Variants in NTNG2 observed in about 807,000 individuals in gnomAD.
NTNG2 encodes the protein netrin G2, also known as netrin-G2.
Under a neutral mutation model 47.6 loss-of-function variants are expected in NTNG2, and 15 were observed. The ratio of observed to expected loss-of-function variants is 0.32; its 90% CI spans 0.21 to 0.49. The LOEUF (loss-of-function observed/expected upper bound fraction) is 0.49. Ranked by LOEUF, NTNG2 falls within the 20% of genes least tolerant of loss-of-function variation. NTNG2 has a pLI of 0.99. For synonymous variants in NTNG2, 307 were observed against 324.6 expected (o/e 0.95, Z 0.58); for missense variants, 578 against 764.6 (o/e 0.76, Z 2.88).
At chr9:132,193,598 G>T (rs554617670) in intron 2 of NTNG2, among the ~76,000 whole-genome samples, 3 of 152,126 alleles carry the variant, frequency 2.0e-5, no homozygotes, top group African/African-American at 7.2e-5. Flanking sequence ...TGGTGCCAGC[G>T]TACTGAGAAA....
chr9:132,213,140 G>T (rs146802508), intron 3 of NTNG2, among the ~76,000 whole-genome samples: 2 of 151,932 alleles, frequency 1.3e-5, no homozygotes, highest in African/African-American at 2.4e-5. Flanking sequence ...TAAAACCCTC[G>T]TCTCTACTAA....
At chr9:132,192,329 G>A (rs887471208) in intron 2 of NTNG2, among the ~76,000 whole-genome samples, 5 of 152,216 alleles carry the variant, frequency 3.3e-5, no homozygotes, top group African/African-American at 4.8e-5. Flanking sequence ...AATGGCTCAC[G>A]CCTGTAATCC....
At position 132,171,717 on chromosome 9, in the gene NTNG2, C is replaced by T. The variant is rs529149985; in HGVS notation, c.213+4673C>T. ...CAGGTCCTGGAGTCCTTGAGCCACT[C>T]CTCACTGTGACATTGAACACCACAT... is the stretch of plus-strand genomic sequence containing the variant. On this transcript the variant is annotated intron_variant, in intron 2 of 7. Coordinates refer to ENST00000393229, the MANE Select transcript of NTNG2 (RefSeq NM_032536.4). 8.5e-5 allele frequency among the ~76,000 whole-genome samples: 13 copies of T among 152,344 alleles called. No individual in the cohort carries two copies. The South Asian group carries it at 2.5e-3, about 29-fold the overall frequency.
In NTNG2 at chr9:132,236,238, C is replaced by T. The variant is rs1470506618; in HGVS notation, c.1055-2866C>T. On this transcript the variant is annotated intron_variant, in intron 5 of 7. Coordinates refer to ENST00000393229, the MANE Select transcript of NTNG2 (RefSeq NM_032536.4). The surrounding 1 kb of genome is among the most constrained non-coding windows in gnomAD (Gnocchi z 4.3). Reference sequence around the variant, plus strand: ...GCCGCAGGGCCAGCCGGGGCAAAGGCTTGGCAGTGGGATGGCAGGGAGCCT... The same window carrying T: ...GCCGCAGGGCCAGCCGGGGCAAAGGTTTGGCAGTGGGATGGCAGGGAGCCT... 1.3e-5 allele frequency among the ~76,000 whole-genome samples: 2 copies of T among 152,168 alleles called. No homozygotes were observed. Among genetic ancestry groups the T allele is most frequent in the Non-Finnish European group, 2.9e-5 (2 of 68,024 alleles).
intron 3 of NTNG2, among the ~76,000 whole-genome samples, chr9:132,200,522 G>A (rs1322557110): frequency 1.3e-5 from 2 of 152,274 alleles, no homozygotes; most frequent in Non-Finnish European, 2.9e-5. Flanking sequence ...AACATCATGG[G>A]TTGGGGAGAA....
Position 132,162,553 on chromosome 9 carries a change from T to A in NTNG2, c.-484+314T>A, listed in dbSNP as rs112998305. On this transcript the variant is annotated intron_variant, in intron 1 of 7. Coordinates refer to ENST00000393229, the MANE Select transcript of NTNG2 (RefSeq NM_032536.4). The surrounding 1 kb of genome is among the most constrained non-coding windows in gnomAD (Gnocchi z 4.6). ...GTGTGAGAGTGTGTGTGTGTGTGTG[T>A]GTGAGAGAGAGACAGAGTGTGTGTG... Among the ~76,000 whole-genome samples, 3 of 93,926 alleles carry A rather than the reference T, an allele frequency of 3.2e-5. No individual in the cohort carries two copies. The highest frequency in any genetic ancestry group is 5.5e-4 in the East Asian group (2 of 3,620). 61.6% of individuals were successfully genotyped at this position (93,926 alleles called of 152,430 possible).
In NTNG2 at chr9:132,198,093, G is replaced by T. The variant is rs753190951; in HGVS notation, c.341G>T (p.Arg114Leu). Residue 114 changes from arginine to leucine, a missense_variant, in exon 3 of 8, where the codon CGC becomes CTC. Arg to Leu is a moderately radical substitution (Grantham distance 102). Coordinates refer to ENST00000393229, the MANE Select transcript of NTNG2 (RefSeq NM_032536.4). ...ATYWQSITWS[R>L]YPSPLEANIT... ...TACTGGCAGAGCATCACCTGGAGCCGCTACCCCAGCCCGCTGGAAGCCAAC... is the reference window on the plus strand; with the variant it reads ...TACTGGCAGAGCATCACCTGGAGCCTCTACCCCAGCCCGCTGGAAGCCAAC... The T allele has an allele frequency of 6.2e-7, 1 of 1,613,850 alleles. No individual in the cohort carries two copies. The highest frequency in any genetic ancestry group is 1.1e-5 in the South Asian group (1 of 91,082).
In NTNG2 at chr9:132,188,074, C is replaced by A. The variant is rs575837097; in HGVS notation, c.214-9892C>A. On this transcript the variant is annotated intron_variant, in intron 2 of 7. Transcript: ENST00000393229. ...TGCACCTGCCCAAGCCATAGGGTTTCCCCCGAAATGGCAGAGGCCACATCC... is the reference window on the plus strand; with the variant it reads ...TGCACCTGCCCAAGCCATAGGGTTTACCCCGAAATGGCAGAGGCCACATCC... Among the ~76,000 whole-genome samples the A allele has an allele frequency of 2.0e-5, 3 of 152,362 alleles. No individual in the cohort carries two copies. The East Asian group carries it at 5.8e-4, about 29-fold the overall frequency.
chr9:132,203,528 G>A (rs1222444612), intron 3 of NTNG2, among the ~76,000 whole-genome samples: 1 of 152,148 alleles, frequency 6.6e-6, no homozygotes, highest in Non-Finnish European at 1.5e-5. Flanking sequence ...AAAGGAAGGT[G>A]CACAGAAGTA....
chr9:132,216,781 G>A (rs933901789), intron 3 of NTNG2, among the ~76,000 whole-genome samples: 1 of 152,188 alleles, frequency 6.6e-6, no homozygotes, highest in Non-Finnish European at 1.5e-5. Flanking sequence ...TATCTGGGCT[G>A]GAGTGCAGCA....
Position 132,243,868 on chromosome 9 carries a change from C to A in NTNG2, c.*1757C>A. ...AGCCCCTCCTGGCCTCCTCTCTCTG[C>A]TCCCACCCCCAGCACCCTGCTGACC... On this transcript the variant is annotated 3_prime_UTR_variant, in exon 8 of 8. Transcript: ENST00000393229. 6.5e-6 allele frequency: 1 copy of A among 152,808 alleles called. No individual in the cohort carries two copies. The allele number at this position is 152,808 out of a possible 1,614,324, so 9.5% of individuals were successfully genotyped here.
At position 132,236,620 on chromosome 9, in the gene NTNG2, G is replaced by T. The variant is rs1010343774; in HGVS notation, c.1055-2484G>T. On this transcript the variant is annotated intron_variant, in intron 5 of 7. Coordinates refer to ENST00000393229, the MANE Select transcript of NTNG2 (RefSeq NM_032536.4). The surrounding 1 kb of genome is among the most constrained non-coding windows in gnomAD (Gnocchi z 4.3). Reference sequence around the variant, plus strand: ...ATGTTTAGAGAGGGTCTGAGGCTCGGTTCCTAGAAACCTGGAGGACCTGGG... The same window carrying T: ...ATGTTTAGAGAGGGTCTGAGGCTCGTTTCCTAGAAACCTGGAGGACCTGGG... 8.5e-5 allele frequency among the ~76,000 whole-genome samples: 13 copies of T among 152,226 alleles called. No homozygotes were observed. Among genetic ancestry groups the T allele is most frequent in the African/African-American group, 2.7e-4 (11 of 41,464 alleles).
At chr9:132,229,210 C>G (rs1841014698) in intron 4 of NTNG2, among the ~76,000 whole-genome samples, 1 of 152,114 alleles carries the variant, frequency 6.6e-6, no homozygotes, top group African/African-American at 2.4e-5. Context: ...ACCCAAGTCT[C>G]CTGCCTTCTC....
In NTNG2 at chr9:132,227,018, G is replaced by A. The variant is rs918731538; in HGVS notation, c.1027G>A (p.Ala343Thr). Reference protein sequence around the residue: ...YLPLPHGSPNACATAGSFGNC... With the variant: ...YLPLPHGSPNTCATAGSFGNC... ...GCCGCTGCCCCATGGCTCTCCCAACGCCTGTACGTGCCATGCCCCGGGGCC... is the reference window on the plus strand; with the variant it reads ...GCCGCTGCCCCATGGCTCTCCCAACACCTGTACGTGCCATGCCCCGGGGCC... The change falls in exon 4 of 8, where the codon GCC becomes ACC. Residue 343 changes from alanine to threonine, a missense_variant. Ala to Thr is a moderately conservative substitution (Grantham distance 58). Transcript: ENST00000393229. 7.5e-6 allele frequency: 12 copies of A among 1,595,548 alleles called. No homozygotes were observed. The highest frequency in any genetic ancestry group is 2.2e-5 in the East Asian group (1 of 44,518).
At chr9:132,211,255 C>T (rs1839567956) in intron 3 of NTNG2, among the ~76,000 whole-genome samples, 1 of 152,188 alleles carries the variant, frequency 6.6e-6, no homozygotes, top group Non-Finnish European at 1.5e-5. Context: ...CCCTCCATCC[C>T]ACTCTCAGCC....
chr9:132,181,599 G>A (rs1211509813), intron 2 of NTNG2, among the ~76,000 whole-genome samples: 6 of 152,222 alleles, frequency 3.9e-5, no homozygotes, highest in Non-Finnish European at 8.8e-5. Context: ...ACAGGCGTGA[G>A]CCACCGTGCC....
chr9:132,182,844 G>A lies in NTNG2; in HGVS notation c.214-15122G>A, dbSNP rs555285414. On this transcript the variant is annotated intron_variant, in intron 2 of 7. Coordinates refer to ENST00000393229, the MANE Select transcript of NTNG2 (RefSeq NM_032536.4). The surrounding 1 kb of genome is among the most constrained non-coding windows in gnomAD (Gnocchi z 4.2). ...TAAGCCACTCGGCTGGCTCTCAGCC[G>A]GGGTGCACACTGGACTTGCCTGGGA... Among the ~76,000 whole-genome samples, 6 of 152,296 alleles carry A rather than the reference G, an allele frequency of 3.9e-5. No homozygotes were observed. The South Asian group carries it at 6.2e-4, about 16-fold the overall frequency.
At chr9:132,186,566 TC>T (rs1372890731) in intron 2 of NTNG2, among the ~76,000 whole-genome samples, 1 of 152,198 alleles carries the variant, frequency 6.6e-6, no homozygotes, top group Admixed American at 6.5e-5. Flanking sequence ...TGGCATTTCA[TC>T]CTTGCTTTCT....
chr9:132,199,152 GT>G (rs1231722988), intron 3 of NTNG2, among the ~76,000 whole-genome samples: 1 of 152,152 alleles, frequency 6.6e-6, no homozygotes, highest in African/African-American at 2.4e-5. Flanking sequence ...AAGTGCATGT[GT>G]TGGAGGTGTG....
Sources: allele counts gnomAD v4.1 joint callset (sites outside exome capture counted in the v4.1 genomes callset), GRCh38; gene constraint gnomAD v4.1.1; non-coding constraint Gnocchi (gnomAD v3.1); transcripts MANE v1.5; gene names NCBI Gene and HGNC (gene_info 2026-07-23, HGNC 2026-07-21).